Variants in NIN observed in about 807,000 individuals in gnomAD.
The protein encoded by NIN is ninein.
A neutral mutation model predicts 257.6 loss-of-function variants in NIN; 137 were observed. The observed-to-expected ratio is 0.53, with a 90% CI of 0.46 to 0.61. The LOEUF is 0.61. Among genes scored for constraint, NIN ranks in the 20% least tolerant of loss-of-function variants. NIN has a pLI of 0.00. For synonymous variants in NIN, 918 were observed against 919.8 expected, an observed-to-expected ratio of 1.00 and a Z score of 0.04; for missense variants, 2,439 against 2,501.2, an observed-to-expected ratio of 0.98 and a Z score of 0.53.
At position 50,757,095 on chromosome 14, in the gene NIN, T is replaced by C. The variant is rs2042060520; in HGVS notation, c.3935A>G (p.Asp1312Gly). Reference sequence around the variant, plus strand: ...CCCCTCATTTTCTATTTTGACCTCATCGTAACTCTTTTCCAGGCTGAGGAA... The same window carrying C: ...CCCCTCATTTTCTATTTTGACCTCACCGTAACTCTTTTCCAGGCTGAGGAA... ...ETFLSLEKSY[D>G]EVKIENEGLN... Residue 1312 changes from aspartate to glycine, a missense_variant, in exon 18 of 31, where the codon GAT (aspartate) becomes GGT (glycine). This residue lies in a region of NIN where 2,043 missense variants were observed against 2,050.2 expected (regional missense o/e 1.00). Transcript: ENST00000530997. 4.3e-6 allele frequency: 7 copies of C among 1,613,286 alleles called. No homozygotes were observed. Among genetic ancestry groups the C allele is most frequent in the Middle Eastern group, 3.3e-4 (2 of 6,080 alleles).
intron 27 of NIN, 61 bp from the exon 28 acceptor site, chr14:50,735,678 C>G: frequency 6.5e-7 from 1 of 1,528,680 alleles, no homozygotes; most frequent in Non-Finnish European, 8.7e-7. Flanking sequence ...AGTTGTTCTA[C>G]TTTATTTTGA....
intron 17 of NIN, 64 bp downstream of exon 17, chr14:50,759,793 C>T: frequency 6.6e-7 from 1 of 1,521,560 alleles, no homozygotes; most frequent in Non-Finnish European, 8.8e-7. Context: ...CCAGCCACAA[C>T]TGGCACTTCT....
At chr14:50,793,699 C>T (rs1219913504) in intron 4 of NIN, among the ~76,000 whole-genome samples, 1 of 152,120 alleles carries the variant, frequency 6.6e-6, no homozygotes, top group Non-Finnish European at 1.5e-5. Context: ...TTACCATCAC[C>T]ACCACTGCTG....
At chr14:50,743,644 A>AGC (rs2041397341) in intron 23 of NIN, 115 bp from the exon 24 acceptor site, 1 of 635,504 alleles carries the variant, frequency 1.6e-6, no homozygotes, top group African/African-American at 1.8e-5. Context: ...TATGTAGGGG[A>AGC]GCAGGGCAAG....
At chr14:50,746,902 G>T (rs1227832497) in intron 22 of NIN, among the ~76,000 whole-genome samples, 2 of 152,114 alleles carry the variant, frequency 1.3e-5, no homozygotes, top group Non-Finnish European at 2.9e-5. Context: ...CGCCCAGGCT[G>T]GAGTGCAGGG....
rs1221549579 is a variant in NIN, at chr14:50,721,679, A to G, written c.*1784T>C. 1 of 217,194 alleles carries G rather than the reference A, an allele frequency of 4.6e-6. No homozygotes were observed. The highest frequency in any genetic ancestry group is 2.3e-5 in the African/African-American group (1 of 44,420). 13.5% of individuals were successfully genotyped at this position (217,194 alleles called of 1,614,324 possible). A position where few individuals can be genotyped will look rare whatever the true frequency, so the allele number is the denominator to read the frequency against. On this transcript the variant is annotated 3_prime_UTR_variant, in exon 31 of 31. Transcript: ENST00000530997. ...CAGATGTCAAATATTTTGAAGTATA[A>G]TTATAGGGAAGGATTAAAATTAACT...
chr14:50,727,842 A>G (rs1010018852), intron 29 of NIN: 1 of 1,175,132 alleles, frequency 8.5e-7, no homozygotes, highest in Non-Finnish European at 1.2e-6. Context: ...AATGCAAACA[A>G]TTTTTAAAAG....
chr14:50,756,937 G>A lies in NIN; in HGVS notation c.4093C>T (p.Gln1365Ter), dbSNP rs567939014. 6.3e-7 allele frequency: 1 copy of A among 1,583,924 alleles called. No homozygotes were observed. The highest frequency in any genetic ancestry group is 1.1e-5 in the South Asian group (1 of 88,214). Residue 1365 changes from glutamine (Q) to a stop codon, truncating the protein, a stop_gained, in exon 18 of 31, where the codon CAG becomes TAG. Transcript: ENST00000530997. LOFTEE classifies it high-confidence loss of function. ...LEIEPDGNIL[Q>*]LNQTLEECVP... ...CACTCTTCCAGTGTCTGATTGAGCT[G>A]GAGTATATTTCCATCAGGTTCGATT...
At chr14:50,746,959 T>A (rs2041574484) in intron 22 of NIN, among the ~76,000 whole-genome samples, 1 of 152,172 alleles carries the variant, frequency 6.6e-6, no homozygotes, top group Admixed American at 6.5e-5. Flanking sequence ...CTTCCCGAGC[T>A]CAGGTGATCC....
At chr14:50,803,924 T>G (rs2044209173) in intron 4 of NIN, among the ~76,000 whole-genome samples, 1 of 142,662 alleles carries the variant, frequency 7.0e-6, no homozygotes, top group African/African-American at 2.6e-5. Flanking sequence ...TGAGATGGAG[T>G]CTCACTCTGT....
chr14:50,770,492 T>A lies in NIN; in HGVS notation c.1330A>T (p.Ile444Phe). The A allele has an allele frequency of 6.2e-7, 1 of 1,614,238 alleles. No homozygotes were observed. The highest frequency in any genetic ancestry group is 8.5e-7 in the Non-Finnish European group (1 of 1,180,028). Residue 444 changes from isoleucine to phenylalanine, a missense_variant, in exon 12 of 31, where the codon ATC (isoleucine) becomes TTC (phenylalanine). Coordinates refer to ENST00000530997, the MANE Select transcript of NIN (RefSeq NM_020921.4). ...CGCTGCTTGCCTGCCTGCTGCAGGA[T>A]CTGCTCTCTCTCTTTTCGGAGTTCA... Reference protein sequence around the residue: ...KNELRKEREQILQQAGKQRLE... With the variant: ...KNELRKEREQFLQQAGKQRLE...
intron 7 of NIN, among the ~76,000 whole-genome samples, chr14:50,775,902 G>A (rs540884052): frequency 6.6e-6 from 1 of 151,966 alleles, no homozygotes; most frequent in Admixed American, 6.5e-5. Flanking sequence ...GGTAAACAAA[G>A]GGTATATAAT....
Position 50,757,560 on chromosome 14 carries a change from C to A in NIN, c.3470G>T (p.Ser1157Ile), listed in dbSNP as rs1322407095. Residue 1157 changes from serine (S) to isoleucine (I), a missense_variant, in exon 18 of 31, where the codon AGT becomes ATT. Ser to Ile is a moderately radical substitution (Grantham distance 142). This residue lies in a region of NIN where 2,043 missense variants were observed against 2,050.2 expected (regional missense o/e 1.00). Coordinates refer to ENST00000530997, the MANE Select transcript of NIN (RefSeq NM_020921.4). Reference protein sequence around the residue: ...LEDDEVRDLGSTGTSSVQRQE... With the variant: ...LEDDEVRDLGITGTSSVQRQE... Reference sequence around the variant, plus strand: ...TCTCTGAACAGAGCTCGTCCCTGTACTTCCCAGGTCCCGGACCTCATCATC... The same window carrying A: ...TCTCTGAACAGAGCTCGTCCCTGTAATTCCCAGGTCCCGGACCTCATCATC... 1 of 1,614,146 alleles carries A rather than the reference C, an allele frequency of 6.2e-7. No individual in the cohort carries two copies. Among genetic ancestry groups the A allele is most frequent in the South Asian group, 1.1e-5 (1 of 91,086 alleles).
intron 29 of NIN, chr14:50,727,518 ATAAG>A (rs2040467706): frequency 2.5e-6 from 3 of 1,218,082 alleles, no homozygotes; most frequent in Admixed American, 3.8e-5. Flanking sequence ...ACATAAATAA[ATAAG>A]AGACATAATA....
intron 29 of NIN, 55 bp from the exon 30 acceptor site, chr14:50,726,121 T>C: frequency 2.9e-6 from 4 of 1,372,654 alleles, no homozygotes; most frequent in Middle Eastern, 2.2e-4. Context: ...AAAACACTGG[T>C]TTATTTTCCC....
intron 29 of NIN, chr14:50,727,527 A>AG: frequency 8.1e-7 from 1 of 1,239,080 alleles, no homozygotes; most frequent in Non-Finnish European, 1.0e-6. Flanking sequence ...AATAAGAGAC[A>AG]TAATACTGCA....
chr14:50,774,830 G>A (rs1291091718), intron 7 of NIN, among the ~76,000 whole-genome samples: 1 of 152,244 alleles, frequency 6.6e-6, no homozygotes. Flanking sequence ...ATGAATAGAA[G>A]AGTGTGGATT....
At chr14:50,737,926 T>C (rs2041076048) in intron 27 of NIN, among the ~76,000 whole-genome samples, 1 of 152,204 alleles carries the variant, frequency 6.6e-6, no homozygotes, top group Non-Finnish European at 1.5e-5. Context: ...ATTACAGGCA[T>C]GAGCCACCAC....
chr14:50,727,530 A>T, intron 29 of NIN: 1 of 1,242,344 alleles, frequency 8.0e-7, no homozygotes, highest in Non-Finnish European at 1.0e-6. Flanking sequence ...AAGAGACATA[A>T]TACTGCAAAG....
Sources: allele counts gnomAD v4.1 joint callset (sites outside exome capture counted in the v4.1 genomes callset), GRCh38; gene constraint gnomAD v4.1.1; regional missense constraint gnomAD v4.1.1; transcripts MANE v1.5; gene names NCBI Gene and HGNC (gene_info 2026-07-23, HGNC 2026-07-21).